PID1: variants seen among roughly 807,000 people sequenced by gnomAD.
PID1 encodes phosphotyrosine interaction domain containing 1, also known as PTB-containing, cubilin and LRP1-interacting protein.
Under a neutral mutation model 19.1 loss-of-function variants are expected in PID1, and 10 were observed. The observed-to-expected ratio is 0.52, with a 90% CI of 0.32 to 0.89. The LOEUF (loss-of-function observed/expected upper bound fraction) is 0.89. Among genes scored for constraint, PID1 ranks in the 40% least tolerant of loss-of-function variants. PID1 has a pLI of 0.03. For synonymous variants in PID1, 130 were observed against 116.0 expected (o/e 1.12, Z -0.78); for missense variants, 248 against 285.3 (o/e 0.87, Z 0.94).
intron 2 of PID1, among the ~76,000 whole-genome samples, chr2:229,143,203 G>C (rs1252443781): frequency 6.9e-6 from 1 of 145,744 alleles, no homozygotes; most frequent in Admixed American, 6.9e-5. Context: ...CTGTGGGGTA[G>C]GGGGAGGGGG....
At position 229,056,794 on chromosome 2, in the gene PID1, C is replaced by T. The variant is rs151322431; in HGVS notation, c.178-30686G>A. Among the ~76,000 whole-genome samples, 24 of 152,136 alleles carry T rather than the reference C, an allele frequency of 1.6e-4. No homozygotes were observed. The East Asian group carries it at 1.9e-3, about 12-fold the overall frequency. On this transcript the variant is annotated intron_variant, in intron 2 of 2. Transcript: ENST00000392055. ...AGTATGATTAAAATAATTCTACCTC[C>T]GTGTCCCTGGTGGTTCATCCTCTAA...
intron 1 of PID1, among the ~76,000 whole-genome samples, chr2:229,162,000 A>G (rs1690501294): frequency 6.6e-6 from 1 of 152,254 alleles, no homozygotes; most frequent in Non-Finnish European, 1.5e-5. Context: ...AAAGGCAACA[A>G]AAGAAGAATC....
chr2:229,212,111 T>C (rs1352910077), intron 1 of PID1, among the ~76,000 whole-genome samples: 1 of 152,076 alleles, frequency 6.6e-6, no homozygotes, highest in Non-Finnish European at 1.5e-5. Flanking sequence ...GTCTTTATTA[T>C]GGTCTCTTTT....
intron 2 of PID1, among the ~76,000 whole-genome samples, chr2:229,069,139 GTTTT>G (rs71412190): frequency 6.9e-6 from 1 of 144,002 alleles, no homozygotes; most frequent in African/African-American, 2.6e-5. Flanking sequence ...AACGAGAAGG[GTTTT>G]TGTGTGTGTG....
intron 2 of PID1, among the ~76,000 whole-genome samples, chr2:229,125,368 CT>C (rs1695601731): frequency 6.6e-6 from 1 of 150,522 alleles, no homozygotes; most frequent in Admixed American, 6.6e-5. Context: ...ATGTTTGTTA[CT>C]GCAGCATAAC....
At chr2:229,168,179 G>A (rs1336849254) in intron 1 of PID1, among the ~76,000 whole-genome samples, 1 of 152,052 alleles carries the variant, frequency 6.6e-6, no homozygotes, top group African/African-American at 2.4e-5. Context: ...GTGTTATCTT[G>A]AATCCATAGA....
At chr2:229,225,178 G>A (rs919038935) in intron 1 of PID1, among the ~76,000 whole-genome samples, 2 of 152,174 alleles carry the variant, frequency 1.3e-5, no homozygotes, top group African/African-American at 4.8e-5. Flanking sequence ...TTAACCAGCA[G>A]CTAGATTCGA....
intron 1 of PID1, among the ~76,000 whole-genome samples, chr2:229,249,161 A>G (rs970876835): frequency 6.6e-6 from 1 of 152,340 alleles, no homozygotes; most frequent in African/African-American, 2.4e-5. Flanking sequence ...AATGTCCCTA[A>G]TAGTAAGTAG....
At chr2:229,195,079 A>G (rs1055221053) in intron 1 of PID1, among the ~76,000 whole-genome samples, 1 of 151,966 alleles carries the variant, frequency 6.6e-6, no homozygotes, top group African/African-American at 2.4e-5. Flanking sequence ...TTGAATCATT[A>G]AATTAATACA....
chr2:229,228,009 T>C (rs527452074), intron 1 of PID1: 2 of 455,980 alleles, frequency 4.4e-6, no homozygotes, highest in East Asian at 1.4e-4. Context: ...CCTGAATCGA[T>C]TCCCCAGGGA....
At chr2:229,089,114 GGAGA>G (rs150646992) in intron 2 of PID1, among the ~76,000 whole-genome samples, 79 of 152,042 alleles carry the variant, frequency 5.2e-4, no homozygotes, top group African/African-American at 1.2e-3. Flanking sequence ...AAGGAGTGAA[GGAGA>G]GAGAGAGAGT....
intron 2 of PID1, among the ~76,000 whole-genome samples, chr2:229,026,453 C>A (rs950729472): frequency 1.3e-5 from 2 of 152,160 alleles, no homozygotes; most frequent in Non-Finnish European, 2.9e-5. Flanking sequence ...TAAAGTCACT[C>A]AAAGTTTATT....
intron 2 of PID1, among the ~76,000 whole-genome samples, chr2:229,054,167 G>C (rs1694049322): frequency 6.6e-6 from 1 of 152,178 alleles, no homozygotes; most frequent in South Asian, 2.1e-4. Context: ...CAAGAAAGCA[G>C]GTAATTAAGT....
chr2:229,231,957 G>T, intron 1 of PID1: 3 of 1,550,520 alleles, frequency 1.9e-6, no homozygotes, highest in Non-Finnish European at 2.6e-6. Context: ...CATGATCAAG[G>T]TGCGGGCTTG....
chr2:229,228,226 T>C (rs1692124797), intron 1 of PID1, among the ~76,000 whole-genome samples: 1 of 152,222 alleles, frequency 6.6e-6, no homozygotes, highest in Non-Finnish European at 1.5e-5. Flanking sequence ...CTTGTGTCCC[T>C]ACTTGTTCAT....
chr2:229,050,433 G>A (rs1052471945), intron 2 of PID1, among the ~76,000 whole-genome samples: 5 of 152,318 alleles, frequency 3.3e-5, no homozygotes, highest in African/African-American at 9.6e-5. Context: ...TGAAACAGAC[G>A]CTACACATCT....
chr2:229,039,003 A>C (rs1213110935), intron 2 of PID1, among the ~76,000 whole-genome samples: 1 of 152,146 alleles, frequency 6.6e-6, no homozygotes, highest in Non-Finnish European at 1.5e-5. Flanking sequence ...CTAAGTATAA[A>C]ATGGAGATGT....
chr2:229,199,591 A>C (rs1279438068), intron 1 of PID1, among the ~76,000 whole-genome samples: 2 of 151,850 alleles, frequency 1.3e-5, no homozygotes, highest in African/African-American at 4.8e-5. Context: ...GAATTAGAGG[A>C]TATTTCCTTA....
chr2:229,237,468 T>C (rs1457796093), intron 1 of PID1, among the ~76,000 whole-genome samples: 1 of 152,176 alleles, frequency 6.6e-6, no homozygotes. Context: ...AACACTGTTT[T>C]GATGGAAGAG....
Sources: allele counts gnomAD v4.1 joint callset (sites outside exome capture counted in the v4.1 genomes callset), GRCh38; gene constraint gnomAD v4.1.1; transcripts MANE v1.5; gene names NCBI Gene and HGNC (gene_info 2026-07-23, HGNC 2026-07-21).